Variants in RRP1 observed in about 807,000 individuals in gnomAD.
RRP1 encodes the protein ribosomal RNA processing 1, also known as ribosomal RNA processing protein 1 homolog A.
A neutral mutation model predicts 54.6 loss-of-function variants in RRP1; 37 were observed. That is an observed-to-expected ratio of 0.68 (90% CI 0.52 to 0.89). The LOEUF (loss-of-function observed/expected upper bound fraction) is 0.89, where lower values mean the gene tolerates loss of function less well. RRP1 is among the 40% of genes least tolerant of loss of function. The pLI, the probability that RRP1 is intolerant of heterozygous loss-of-function variation, is 0.00. For missense variants in RRP1, 639 were observed against 612.5 expected, an observed-to-expected ratio of 1.04 and a Z score of -0.46; for synonymous variants, 262 against 244.3, an observed-to-expected ratio of 1.07 and a Z score of -0.67.
At position 43,800,831 on chromosome 21, in the gene RRP1, T is replaced by C. The variant is rs201331848; in HGVS notation, c.990-31T>C. On this transcript the variant is annotated intron_variant, in intron 10 of 12. Transcript: ENST00000497547. ...CCTCCTCCTGCGGAAGCCGCAGCTG[T>C]GGTAAGTGGGTATCTGTCTTACTCT... The C allele has an allele frequency of 5.0e-6, 8 of 1,613,056 alleles. No individual in the cohort carries two copies. The Admixed American group carries it at 1.3e-4, about 27-fold the overall frequency.
In RRP1 at chr21:43,804,891, C is replaced by CGGGGCAGGCTT. The variant is rs1158561753; in HGVS notation, c.*1118_*1128dup. ...CTTCAGTCCCACTCAGCTGGGCGGC[C>CGGGGCAGGCTT]GGGGCAGGCTTAGGGCACAGTTAGG... On this transcript the variant is annotated 3_prime_UTR_variant, in exon 13 of 13. Transcript: ENST00000497547. This position sits in a 1 kb window ranked among gnomAD's most constrained non-coding sequence, Gnocchi z 4.3. 2 of 152,436 alleles carry CGGGGCAGGCTT rather than the reference C, an allele frequency of 1.3e-5. No homozygotes were observed. Among genetic ancestry groups the CGGGGCAGGCTT allele is most frequent in the East Asian group, 3.8e-4 (2 of 5,196 alleles). The allele number at this position is 152,436 out of a possible 1,614,324, so 9.4% of individuals were successfully genotyped here.
chr21:43,802,710 C>T (rs1601875792), intron 12 of RRP1, among the ~76,000 whole-genome samples: 1 of 152,234 alleles, frequency 6.6e-6, no homozygotes, highest in South Asian at 2.1e-4. Context: ...GTCCGCTCCT[C>T]TCCCGCACCC....
In RRP1 at chr21:43,799,563, G is replaced by C. The variant is rs374159925; in HGVS notation, c.812-7G>C. On this transcript the variant is annotated splice_polypyrimidine_tract_variant and splice_region_variant and intron_variant, in intron 8 of 12. Coordinates refer to ENST00000497547, the MANE Select transcript of RRP1 (RefSeq NM_003683.6). ...AGGTAGGGTTCACGGGGTCCCTTTT[G>C]TTCCAGGCTCCATCTGCAGGGCTGA... 3 of 1,610,118 alleles carry C rather than the reference G, an allele frequency of 1.9e-6. No individual in the cohort carries two copies. The highest frequency in any genetic ancestry group is 2.5e-6 in the Non-Finnish European group (3 of 1,179,334).
chr21:43,789,854 CCCTGTGGAA>C, intron 1 of RRP1, 92 bp downstream of exon 1: 3 of 1,352,684 alleles, frequency 2.2e-6, no homozygotes, highest in Non-Finnish European at 2.9e-6. Flanking sequence ...GCCCTCCGAG[CCCTGTGGAA>C]CCTCCACGTG....
chr21:43,792,560 G>A (rs748954664), intron 2 of RRP1, 112 bp from the exon 3 acceptor site: 32 of 1,058,910 alleles, frequency 3.0e-5, no homozygotes, highest in Non-Finnish European at 4.5e-5. Flanking sequence ...CCTGGAAGCC[G>A]ACTCTCTGTG....
At chr21:43,798,497 A>G (rs2085047670) in intron 8 of RRP1, among the ~76,000 whole-genome samples, 1 of 151,758 alleles carries the variant, frequency 6.6e-6, no homozygotes. Flanking sequence ...AGTCCTCCCC[A>G]TAGCGTCACT....
At chr21:43,802,636 G>A (rs1021083480) in intron 12 of RRP1, among the ~76,000 whole-genome samples, 6 of 152,024 alleles carry the variant, frequency 3.9e-5, no homozygotes, top group Non-Finnish European at 7.4e-5. Flanking sequence ...CCTCCCTCCC[G>A]GTCTGGAGAC....
At chr21:43,797,833 C>A in intron 7 of RRP1, 74 bp from the exon 8 acceptor site, 1 of 1,568,962 alleles carries the variant, frequency 6.4e-7, no homozygotes. Context: ...GGAGAGGTTG[C>A]AGGGGAGTCG....
chr21:43,800,610 C>G lies in RRP1; in HGVS notation c.985C>G (p.Arg329Gly). The change falls in exon 10 of 13, where the codon CGG becomes GGG. Residue 329 changes from arginine to glycine, a missense_variant. Coordinates refer to ENST00000497547, the MANE Select transcript of RRP1 (RefSeq NM_003683.6). ...QNRKRLYKVI[R>G]KLQDLAGGIF... ...CAGAAAGCGTCTCTACAAAGTGATC[C>G]GGAAGTGAGTGTGTGAGGGCGCTGC... The G allele has an allele frequency of 6.2e-7, 1 of 1,614,102 alleles. No individual in the cohort carries two copies. Among genetic ancestry groups the G allele is most frequent in the South Asian group, 1.1e-5 (1 of 91,066 alleles).
At chr21:43,801,672 G>C (rs1406253565) in intron 11 of RRP1, among the ~76,000 whole-genome samples, 2 of 152,148 alleles carry the variant, frequency 1.3e-5, no homozygotes, top group Admixed American at 6.5e-5. Context: ...GGGTTTCGCT[G>C]TGTTGCCCGG....
At position 43,800,507 on chromosome 21, in the gene RRP1, T is replaced by C; in HGVS notation, c.892-10T>C. On this transcript the variant is annotated splice_polypyrimidine_tract_variant and intron_variant, in intron 9 of 12. Coordinates refer to ENST00000497547, the MANE Select transcript of RRP1 (RefSeq NM_003683.6). ...GACCTTGCCTCTGTGACGTCTCTCT[T>C]TTGAAACAGTTTGACTACGAGGCAG... The C allele has an allele frequency of 6.2e-7, 1 of 1,614,104 alleles. No individual in the cohort carries two copies. The highest frequency in any genetic ancestry group is 8.5e-7 in the Non-Finnish European group (1 of 1,179,924).
intron 5 of RRP1, among the ~76,000 whole-genome samples, chr21:43,796,528 G>A (rs1402909145): frequency 3.3e-5 from 5 of 152,096 alleles, no homozygotes; most frequent in African/African-American, 9.7e-5. Context: ...CGCTCTTCCC[G>A]CCCTCTTGGA....
At chr21:43,800,286 T>TGTGCCCCGCAGGGC (rs1555890808) in intron 9 of RRP1, among the ~76,000 whole-genome samples, 1 of 151,886 alleles carries the variant, frequency 6.6e-6, no homozygotes, top group Non-Finnish European at 1.5e-5. Flanking sequence ...TCTTCCAGAG[T>TGTGCCCCGCAGGGC]GTGCCCCGCA....
intron 11 of RRP1, 164 bp from the exon 12 acceptor site, chr21:43,802,110 G>C (rs559295990): frequency 2.5e-5 from 15 of 594,110 alleles, no homozygotes; most frequent in African/African-American, 1.3e-4. Flanking sequence ...GTTCGTTTCA[G>C]CTGTGGCGGG....
chr21:43,800,404 G>A, intron 9 of RRP1, 113 bp from the exon 10 acceptor site: 1 of 901,956 alleles, frequency 1.1e-6, no homozygotes, highest in Non-Finnish European at 1.8e-6. Context: ...TGTGAGCCGG[G>A]TGGAGAACCT....
chr21:43,800,686 C>T, intron 10 of RRP1, 72 bp downstream of exon 10: 13 of 1,554,728 alleles, frequency 8.4e-6, no homozygotes, highest in East Asian at 2.2e-5. Flanking sequence ...ATCTGGGTGC[C>T]TTTGCCTTGT....
intron 8 of RRP1, among the ~76,000 whole-genome samples, chr21:43,799,146 C>T (rs565428513): frequency 5.4e-4 from 82 of 152,252 alleles, no homozygotes; most frequent in African/African-American, 1.9e-3. Context: ...CTAGCTCGAG[C>T]ACCCAGCCGA....
intron 3 of RRP1, 89 bp downstream of exon 3, chr21:43,792,818 C>G (rs2084974187): frequency 7.1e-6 from 10 of 1,408,664 alleles, no homozygotes. Flanking sequence ...TTTGTGTTCT[C>G]AAATCCAGAG....
At chr21:43,799,351 T>C (rs1451968538) in intron 8 of RRP1, among the ~76,000 whole-genome samples, 1 of 150,452 alleles carries the variant, frequency 6.6e-6, no homozygotes, top group Non-Finnish European at 1.5e-5. Flanking sequence ...CATACGAGAT[T>C]AGAGGTCACA....
Sources: allele counts gnomAD v4.1 joint callset (sites outside exome capture counted in the v4.1 genomes callset), GRCh38; gene constraint gnomAD v4.1.1; non-coding constraint Gnocchi (gnomAD v3.1); transcripts MANE v1.5; gene names NCBI Gene and HGNC (gene_info 2026-07-23, HGNC 2026-07-21).